The following E2F3 variants were observed in gnomAD, a reference collection of about 807,000 sequenced individuals.
E2F3 encodes E2F transcription factor 3.
Under a neutral mutation model 44.4 loss-of-function variants are expected in E2F3, and 11 were observed. The ratio of observed to expected loss-of-function variants is 0.25; its 90% CI spans 0.16 to 0.41. The LOEUF is 0.41. E2F3 is among the 10% of genes least tolerant of loss of function. The probability of loss-of-function intolerance (pLI) is 1.00; values close to 1 mark genes in which losing one functional copy is unlikely to be tolerated. For synonymous variants in E2F3, 249 were observed against 253.0 expected, an observed-to-expected ratio of 0.98 and a Z score of 0.15; for missense variants, 487 against 583.6, an observed-to-expected ratio of 0.83 and a Z score of 1.70.
At chr6:20,457,988 ATTTC>A (rs1761370948) in intron 1 of E2F3, among the ~76,000 whole-genome samples, 1 of 152,218 alleles carries the variant, frequency 6.6e-6, no homozygotes, top group African/African-American at 2.4e-5. Context: ...TTTGTCTAGT[ATTTC>A]TTCAAGATCT....
intron 1 of E2F3, among the ~76,000 whole-genome samples, chr6:20,463,045 C>G (rs1761577316): frequency 6.6e-6 from 1 of 151,772 alleles, no homozygotes; most frequent in East Asian, 1.9e-4. Context: ...CCACTTTAAC[C>G]TCTAAGTGGT....
intron 2 of E2F3, 28 bp downstream of exon 2, chr6:20,479,985 T>C (rs541639963): frequency 3.8e-5 from 60 of 1,574,624 alleles, no homozygotes; most frequent in Non-Finnish European, 5.0e-5. Context: ...TCTTTCCTTA[T>C]TCTCCTTGGT....
In E2F3 at chr6:20,402,599, GGCA is replaced by G; in HGVS notation, c.370_372del (p.Ser124del). 2.2e-6 allele frequency: 3 copies of G among 1,356,658 alleles called. No homozygotes were observed. The highest frequency in any genetic ancestry group is 3.1e-5 in the East Asian group (1 of 32,770). 84.0% of individuals were successfully genotyped at this position (1,356,658 alleles called of 1,614,324 possible). ...GCAGCCACCAGCGCTGGGACGCGGC[GGCA>G]GCGGCGGCGGCGGCGGCCCTCCGGT... is the stretch of plus-strand genomic sequence containing the variant. On this transcript the variant is annotated inframe_deletion, in exon 1 of 7. Coordinates refer to ENST00000346618, the MANE Select transcript of E2F3 (RefSeq NM_001949.5). The surrounding 1 kb of genome is among the most constrained non-coding windows in gnomAD (Gnocchi z 5.6).
In E2F3 at chr6:20,442,078, G is replaced by A. The variant is rs138814019; in HGVS notation, c.394-37768G>A. ...ACTGGGTCTCCTTTTGCTGTTTGCC[G>A]AGTCTGCCTGCCCCTTTGGTGTTGG... On this transcript the variant is annotated intron_variant, in intron 1 of 6. Transcript: ENST00000346618. 2.0e-3 allele frequency among the ~76,000 whole-genome samples: 300 copies of A among 151,678 alleles called. 2 individuals are homozygous for A. The highest frequency in any genetic ancestry group is 6.9e-3 in the African/African-American group (286 of 41,214).
At chr6:20,403,621 C>A in intron 1 of E2F3, 1 of 482,400 alleles carries the variant, frequency 2.1e-6, no homozygotes, top group Non-Finnish European at 3.7e-6. Flanking sequence ...CCCACTTCCT[C>A]CTGCTCGCCG....
chr6:20,410,669 A>C (rs1019242905), intron 1 of E2F3, among the ~76,000 whole-genome samples: 9 of 152,126 alleles, frequency 5.9e-5, no homozygotes, highest in African/African-American at 2.2e-4. Flanking sequence ...CCCAGGCTGA[A>C]ATGCAATGGT....
chr6:20,403,373 C>CG lies in E2F3; in HGVS notation c.393+751dup, dbSNP rs1759376121. ...GCCCAAGCGCCCAGGCCTTCCTCGC[C>CG]GGGCCCCGGGCCTGCCCTTGACCCG... On this transcript the variant is annotated intron_variant, in intron 1 of 6. Transcript: ENST00000346618. 2.6e-5 allele frequency among the ~76,000 whole-genome samples: 4 copies of CG among 152,032 alleles called. 1 individual carries two copies. Among genetic ancestry groups the CG allele is most frequent in the Admixed American group, 2.6e-4 (4 of 15,290 alleles).
intron 1 of E2F3, among the ~76,000 whole-genome samples, chr6:20,455,506 C>G (rs1466033625): frequency 6.6e-6 from 1 of 152,230 alleles, no homozygotes; most frequent in East Asian, 1.9e-4. Context: ...TTTGGCCCAT[C>G]AGATATTGCC....
intron 1 of E2F3, among the ~76,000 whole-genome samples, chr6:20,460,805 G>A (rs1009313358): frequency 6.6e-6 from 1 of 151,812 alleles, no homozygotes; most frequent in African/African-American, 2.4e-5. Context: ...AGACCAGCCT[G>A]GCCAACATGG....
chr6:20,414,052 G>A (rs1759761612), intron 1 of E2F3, among the ~76,000 whole-genome samples: 1 of 152,166 alleles, frequency 6.6e-6, no homozygotes, highest in South Asian at 2.1e-4. Flanking sequence ...CGTTTTCTGA[G>A]GGGCTAAGGC....
intron 1 of E2F3, among the ~76,000 whole-genome samples, chr6:20,460,320 A>G (rs1761458741): frequency 1.3e-5 from 2 of 152,200 alleles, no homozygotes; most frequent in South Asian, 4.1e-4. Context: ...TAGCGTCTTC[A>G]GCCCTTCCCC....
At chr6:20,486,291 GAGA>G (rs1279198214) in intron 4 of E2F3, among the ~76,000 whole-genome samples, 2 of 152,132 alleles carry the variant, frequency 1.3e-5, no homozygotes, top group African/African-American at 2.4e-5. Flanking sequence ...ATACTTTTTT[GAGA>G]AGGAGTCTCG....
intron 1 of E2F3, among the ~76,000 whole-genome samples, chr6:20,468,535 G>A (rs1175260752): frequency 6.6e-6 from 1 of 152,188 alleles, no homozygotes; most frequent in Non-Finnish European, 1.5e-5. Context: ...GAAGCTCTCC[G>A]TACCCTGTCC....
At chr6:20,433,549 T>C (rs1186759070) in intron 1 of E2F3, among the ~76,000 whole-genome samples, 1 of 152,250 alleles carries the variant, frequency 6.6e-6, no homozygotes, top group Non-Finnish European at 1.5e-5. Context: ...ATTACACTTG[T>C]TGCAGCTGTC....
chr6:20,401,963 T>G lies in E2F3; in HGVS notation c.-270T>G. ...GCTGCCGCCGCCGCCTCGCAATCCG[T>G]TGCATCGGCCGCCCCCGACGCCTCC... On this transcript the variant is annotated 5_prime_UTR_variant, in exon 1 of 7. Transcript: ENST00000346618. 1 of 381,954 alleles carries G rather than the reference T, an allele frequency of 2.6e-6. No homozygotes were observed. The highest frequency in any genetic ancestry group is 4.5e-6 in the Non-Finnish European group (1 of 221,802). The allele number at this position is 381,954 out of a possible 1,614,324, so 23.7% of individuals were successfully genotyped here.
At position 20,442,138 on chromosome 6, in the gene E2F3, A is replaced by G. The variant is rs552460824; in HGVS notation, c.394-37708A>G. ...GAGAAAGGAGCATATTTGTTTTGCTACTGACCTGGTTGGACATGCATGCCA... is the reference window on the plus strand; with the variant it reads ...GAGAAAGGAGCATATTTGTTTTGCTGCTGACCTGGTTGGACATGCATGCCA... On this transcript the variant is annotated intron_variant, in intron 1 of 6. Coordinates refer to ENST00000346618, the MANE Select transcript of E2F3 (RefSeq NM_001949.5). 5.3e-5 allele frequency among the ~76,000 whole-genome samples: 8 copies of G among 151,962 alleles called. No homozygotes were observed. The East Asian group carries it at 1.6e-3, about 30-fold the overall frequency.
chr6:20,466,815 G>C (rs1182213058), intron 1 of E2F3, among the ~76,000 whole-genome samples: 1 of 151,864 alleles, frequency 6.6e-6, no homozygotes, highest in Non-Finnish European at 1.5e-5. Flanking sequence ...CCAAGTAGCT[G>C]GGATTTCAGC....
intron 1 of E2F3, among the ~76,000 whole-genome samples, chr6:20,419,989 C>T (rs1359083740): frequency 6.6e-6 from 1 of 152,228 alleles, no homozygotes; most frequent in African/African-American, 2.4e-5. Flanking sequence ...CCTCAGCCTA[C>T]TGAGTAGCTG....
chr6:20,417,349 A>G (rs1367731924), intron 1 of E2F3, among the ~76,000 whole-genome samples: 1 of 152,176 alleles, frequency 6.6e-6, no homozygotes, highest in Admixed American at 6.5e-5. Flanking sequence ...AAACCAATAA[A>G]GGCATTAAAT....
Sources: gnomAD v4.1 joint callset for allele counts (sites outside exome capture counted in the v4.1 genomes callset) on GRCh38, gnomAD v4.1.1 for gene constraint, Gnocchi (gnomAD v3.1) non-coding constraint, MANE v1.5 for transcripts, NCBI Gene and HGNC (gene_info 2026-07-23, HGNC 2026-07-21) for gene names.